CEP162: variants seen among roughly 807,000 people sequenced by gnomAD.
CEP162 encodes centrosomal protein of 162 kDa.
A neutral mutation model predicts 169.2 loss-of-function variants in CEP162; 141 were observed. The ratio of observed to expected loss-of-function variants is 0.83; its 90% CI spans 0.73 to 0.96. CEP162 has a LOEUF of 0.96. CEP162 is among the 40% of genes least tolerant of loss of function. The probability of loss-of-function intolerance (pLI) is 0.00; values close to 1 mark genes in which losing one functional copy is unlikely to be tolerated. For synonymous variants in CEP162, 540 were observed against 526.4 expected (o/e 1.03, Z -0.35); for missense variants, 1,600 against 1,587.2 (o/e 1.01, Z -0.14).
chr6:84,145,528 G>A (rs2099518453), intron 25 of CEP162, among the ~76,000 whole-genome samples: 1 of 152,078 alleles, frequency 6.6e-6, no homozygotes, highest in Non-Finnish European at 1.5e-5. Context: ...TTAGAAAACT[G>A]TAACACACCC....
chr6:84,159,523 T>TATATATATATATATATATA (rs1554166778), intron 21 of CEP162, among the ~76,000 whole-genome samples: 4 of 37,140 alleles, frequency 1.1e-4, no homozygotes, highest in South Asian at 1.2e-3. Flanking sequence ...AATTAATTAT[T>TATATATATATATATATATA]TATATATATA....
chr6:84,218,970 T>C, intron 3 of CEP162: 1 of 297,210 alleles, frequency 3.4e-6, no homozygotes, highest in Admixed American at 5.0e-5. Context: ...TTTAGTTATT[T>C]ACAATAAAGA....
At position 84,186,522 on chromosome 6, in the gene CEP162, A is replaced by C; in HGVS notation, c.1211T>G (p.Leu404Arg). 1.2e-6 allele frequency: 2 copies of C among 1,613,010 alleles called. No individual in the cohort carries two copies. Among genetic ancestry groups the C allele is most frequent in the South Asian group, 2.2e-5 (2 of 91,032 alleles). Residue 404 changes from leucine to arginine, a missense_variant, in exon 12 of 27, where the codon CTT (leucine) becomes CGT (arginine). Transcript: ENST00000403245. ...ILSQDSQHVN[L>R]FFDKNDENVI... is the part of the protein sequence containing the mutation. ...ATTCTCATCATTTTTGTCAAAAAAA[A>C]GGTTCACATGTTGTGAGTCTTGAGA...
chr6:84,184,921 C>G (rs2099536438), intron 13 of CEP162, among the ~76,000 whole-genome samples: 1 of 151,922 alleles, frequency 6.6e-6, no homozygotes, highest in South Asian at 2.1e-4. Flanking sequence ...TCATAGCTTT[C>G]CCCATTCCAG....
intron 9 of CEP162, among the ~76,000 whole-genome samples, chr6:84,197,785 C>G (rs545738322): frequency 2.7e-5 from 4 of 150,332 alleles, no homozygotes; most frequent in African/African-American, 9.9e-5. Context: ...CCACTGCATT[C>G]CAGCCTGGGT....
intron 4 of CEP162, 21 bp from the exon 5 acceptor site, chr6:84,215,486 T>C: frequency 1.3e-6 from 2 of 1,511,808 alleles, no homozygotes; most frequent in Non-Finnish European, 1.8e-6. Context: ...AGCACAAATA[T>C]ATTTTAGTAA....
intron 7 of CEP162, 88 bp from the exon 8 acceptor site, chr6:84,201,855 C>T: frequency 1.5e-6 from 1 of 677,822 alleles, no homozygotes; most frequent in Non-Finnish European, 2.5e-6. Context: ...AATCTGAAAT[C>T]CAGGGCTTTT....
rs575788440 is a variant in CEP162, at chr6:84,155,617, T to C, written c.2782-107A>G. The C allele has an allele frequency of 2.1e-4, 153 of 711,836 alleles. 1 individual carries two copies. The African/African-American group carries it at 2.3e-3, about 11-fold the overall frequency. The allele number at this position is 711,836 out of a possible 1,614,324, so 44.1% of individuals were successfully genotyped here. Reference sequence around the variant, plus strand: ...ATCTCTGTATACAGTAGCATTTCTATATACCAATAACAATCTTGCTGAGGA... The same window carrying C: ...ATCTCTGTATACAGTAGCATTTCTACATACCAATAACAATCTTGCTGAGGA... On this transcript the variant is annotated intron_variant, in intron 21 of 26. Transcript: ENST00000403245.
At chr6:84,190,396 T>C (rs889414988) in intron 11 of CEP162, among the ~76,000 whole-genome samples, 10 of 152,120 alleles carry the variant, frequency 6.6e-5, no homozygotes, top group South Asian at 2.1e-4. Flanking sequence ...CGAGCCAGCA[T>C]TGGCAACCTG....
At chr6:84,188,703 A>AT (rs1305871747) in intron 11 of CEP162, among the ~76,000 whole-genome samples, 1 of 152,142 alleles carries the variant, frequency 6.6e-6, no homozygotes, top group African/African-American at 2.4e-5. Context: ...ATATGCATGC[A>AT]TATGTCTTTA....
At chr6:84,181,888 T>G (rs187189851) in intron 13 of CEP162, among the ~76,000 whole-genome samples, 1 of 152,212 alleles carries the variant, frequency 6.6e-6, no homozygotes, top group Admixed American at 6.5e-5. Flanking sequence ...AGGAATCGAT[T>G]GGTAATGTCT....
In CEP162 at chr6:84,221,022, C is replaced by A; in HGVS notation, c.172+35G>T. ...GAAGTCTTGACTGACCCCTTGTGGT[C>A]AAATAATTTGAAACTAAAAATCAGC... On this transcript the variant is annotated intron_variant, in intron 3 of 26. Coordinates refer to ENST00000403245, the MANE Select transcript of CEP162 (RefSeq NM_014895.4). 3 of 1,166,492 alleles carry A rather than the reference C, an allele frequency of 2.6e-6. No individual in the cohort carries two copies. The South Asian group carries it at 3.8e-5, about 15-fold the overall frequency. 72.3% of individuals were successfully genotyped at this position (1,166,492 alleles called of 1,614,324 possible).
chr6:84,185,474 T>A, intron 12 of CEP162, 26 bp from the exon 13 acceptor site: 1 of 1,574,870 alleles, frequency 6.3e-7, no homozygotes. Flanking sequence ...AAAAGCTCTT[T>A]AGTACCTAAA....
At chr6:84,150,054 CT>C (rs1383610133) in intron 23 of CEP162, among the ~76,000 whole-genome samples, 6 of 152,140 alleles carry the variant, frequency 3.9e-5, no homozygotes, top group Non-Finnish European at 7.4e-5. Flanking sequence ...TGCCCAGATG[CT>C]TCTTTGGAAA....
At chr6:84,158,345 T>C (rs1473279316) in intron 21 of CEP162, among the ~76,000 whole-genome samples, 2 of 152,228 alleles carry the variant, frequency 1.3e-5, no homozygotes, top group East Asian at 3.9e-4. Flanking sequence ...TTTCAAAGGG[T>C]TGATATAATT....
chr6:84,143,792 G>A (rs1301488668), intron 25 of CEP162, among the ~76,000 whole-genome samples: 3 of 151,928 alleles, frequency 2.0e-5, no homozygotes, highest in Non-Finnish European at 4.4e-5. Flanking sequence ...CTTTCTTGGA[G>A]CATCGGTCTG....
At chr6:84,175,691 T>C (rs2099532124) in intron 13 of CEP162, among the ~76,000 whole-genome samples, 1 of 152,154 alleles carries the variant, frequency 6.6e-6, no homozygotes, top group Non-Finnish European at 1.5e-5. Context: ...TTCATAGCAA[T>C]AATCAATCAA....
Position 84,149,676 on chromosome 6 carries a change from A to C in CEP162, c.3657T>G (p.Ile1219Met). Residue 1219 changes from isoleucine (I) to methionine (M), a missense_variant, in exon 24 of 27, where the codon ATT (isoleucine) becomes ATG (methionine). Ile to Met is a conservative substitution (Grantham distance 10). Transcript: ENST00000403245. ...RRVKEDTAAH[I>M]ASLKASHQRE... The stretch of plus-strand genomic sequence containing the variant: ...TCTGATGAGATGCTTTGAGGGATGC[A>C]ATGTGTGCTGCAGTATCTTCCTTGA... 1.3e-6 allele frequency: 2 copies of C among 1,582,710 alleles called. No homozygotes were observed. Among genetic ancestry groups the C allele is most frequent in the Non-Finnish European group, 1.7e-6 (2 of 1,163,300 alleles).
At chr6:84,186,717 T>A in intron 11 of CEP162, 94 bp from the exon 12 acceptor site, 1 of 985,128 alleles carries the variant, frequency 1.0e-6, no homozygotes, top group Non-Finnish European at 1.5e-6. Context: ...GCAGACACAC[T>A]ATATATTTGA....
Sources: gnomAD v4.1 joint callset for allele counts (sites outside exome capture counted in the v4.1 genomes callset) on GRCh38, gnomAD v4.1.1 for gene constraint, MANE v1.5 for transcripts, NCBI Gene and HGNC (gene_info 2026-07-23, HGNC 2026-07-21) for gene names.